Variants in ADGRB2 observed in about 807,000 individuals in gnomAD.
The protein encoded by ADGRB2 is brain-specific angiogenesis inhibitor 2.
ADGRB2 carries 47 observed loss-of-function variants against 178.7 expected under a neutral mutation model. The observed-to-expected ratio is 0.26, with a 90% CI of 0.21 to 0.34. ADGRB2 has a LOEUF of 0.34. Ranked by LOEUF, ADGRB2 falls within the 10% of genes least tolerant of loss-of-function variation. The pLI is 1.00. For missense variants in ADGRB2, 1,584 were observed against 2,180.8 expected (o/e 0.73, Z 5.45); for synonymous variants, 870 against 912.4 (o/e 0.95, Z 0.84).
chr1:31,760,675 T>A (rs1303697410), intron 1 of ADGRB2: 2 of 152,140 alleles, frequency 1.3e-5, no homozygotes, highest in African/African-American at 4.8e-5. Flanking sequence ...CGCCCGCCCG[T>A]CACTCACCCT....
In ADGRB2 at chr1:31,756,584, G is replaced by A. The variant is rs1273238867; in HGVS notation, c.253C>T (p.Arg85Cys). ...TKYSLYLRFNRQEQVCAHFAP... is the reference protein window; with the variant it reads ...TKYSLYLRFNCQEQVCAHFAP... ...AAGTGTGCGCACACCTGCTCCTGGC[G>A]GTTGAAGCGCAGGTAGAGGGAGTAC... Residue 85 changes from arginine (R) to cysteine (C), a missense_variant, in exon 4 of 33, where the codon CGC (arginine) becomes TGC (cysteine). Coordinates refer to ENST00000373658, the MANE Select transcript of ADGRB2 (RefSeq NM_001364857.2). This position sits in a 1 kb window ranked among gnomAD's most constrained non-coding sequence, Gnocchi z 8.5. 3 of 1,610,216 alleles carry A rather than the reference G, an allele frequency of 1.9e-6. No homozygotes were observed. Among genetic ancestry groups the A allele is most frequent in the Non-Finnish European group, 2.5e-6 (3 of 1,177,762 alleles).
chr1:31,757,361 A>T, intron 2 of ADGRB2, 21 bp downstream of exon 2: 1 of 1,091,674 alleles, frequency 9.2e-7, no homozygotes, highest in Non-Finnish European at 1.4e-6. Flanking sequence ...TTATTCCTGG[A>T]ACAATGTCAT....
In ADGRB2 at chr1:31,758,054, C is replaced by A. The variant is rs115391833; in HGVS notation, c.-190-543G>T. On this transcript the variant is annotated intron_variant, in intron 1 of 32. Transcript: ENST00000373658. This position sits in a 1 kb window ranked among gnomAD's most constrained non-coding sequence, Gnocchi z 4.2. ...GCTGTGTCACTGCCCACAGCCTGCGCAACCTCTACCCAACTGCCCAGAAAA... is the reference window on the plus strand; with the variant it reads ...GCTGTGTCACTGCCCACAGCCTGCGAAACCTCTACCCAACTGCCCAGAAAA... Among the ~76,000 whole-genome samples the A allele has an allele frequency of 4.5e-3, 683 of 152,306 alleles. 2 individuals are homozygous for A. Among genetic ancestry groups the A allele is most frequent in the Non-Finnish European group, 7.2e-3 (487 of 68,030 alleles).
chr1:31,735,071 G>T lies in ADGRB2; in HGVS notation c.3452+112C>A. The T allele has an allele frequency of 1.9e-6, 2 of 1,075,608 alleles. No homozygotes were observed. Among genetic ancestry groups the T allele is most frequent in the Non-Finnish European group, 2.5e-6 (2 of 801,986 alleles). 66.6% of individuals were successfully genotyped at this position (1,075,608 alleles called of 1,614,324 possible). A position where few individuals can be genotyped will look rare whatever the true frequency, so the allele number is the denominator to read the frequency against. On this transcript the variant is annotated intron_variant, in intron 25 of 32. Transcript: ENST00000373658. The surrounding 1 kb of genome is among the most constrained non-coding windows in gnomAD (Gnocchi z 6.0). ...TGTGGTGGCTGGCAGGAAAGGGCAA[G>T]CTTTCCAGGGCACTGGGCTGATATC...
At position 31,744,297 on chromosome 1, in the gene ADGRB2, C is replaced by A. The variant is rs1363469972; in HGVS notation, c.983G>T (p.Gly328Val). The change falls in exon 6 of 33, where the codon GGT becomes GTT. Residue 328 changes from glycine to valine, a missense_variant. Coordinates refer to ENST00000373658, the MANE Select transcript of ADGRB2 (RefSeq NM_001364857.2). This position sits in a 1 kb window ranked among gnomAD's most constrained non-coding sequence, Gnocchi z 6.7. Reference sequence around the variant, plus strand: ...ACAGGAGCGGGTCCGCACCTGCAGACCCTGCCCACACGTCAGGGAACACAC... The same window carrying A: ...ACAGGAGCGGGTCCGCACCTGCAGAACCTGCCCACACGTCAGGGAACACAC... ...WSVCSLTCGQ[G>V]LQVRTRSCVS... 6.4e-7 allele frequency: 1 copy of A among 1,551,392 alleles called. No homozygotes were observed. The highest frequency in any genetic ancestry group is 8.7e-7 in the Non-Finnish European group (1 of 1,146,928).
Position 31,753,200 on chromosome 1 carries a change from C to T in ADGRB2, c.838+2799G>A, listed in dbSNP as rs954942453. ...TCCAGCCCTGACCTCAGCCAGCCTC[C>T]GTGCCAGTCCTCCACCAAGCTCCTT... On this transcript the variant is annotated intron_variant, in intron 4 of 32. Transcript: ENST00000373658. This position sits in a 1 kb window ranked among gnomAD's most constrained non-coding sequence, Gnocchi z 4.1. Among the ~76,000 whole-genome samples, 5 of 152,222 alleles carry T rather than the reference C, an allele frequency of 3.3e-5. No individual in the cohort carries two copies. The highest frequency in any genetic ancestry group is 1.2e-4 in the African/African-American group (5 of 41,452).
At chr1:31,752,967 G>T (rs1646653284) in intron 4 of ADGRB2, among the ~76,000 whole-genome samples, 1 of 152,186 alleles carries the variant, frequency 6.6e-6, no homozygotes, top group Non-Finnish European at 1.5e-5. Context: ...GCCAGGGGCA[G>T]GCCAGTGCCC....
In ADGRB2 at chr1:31,756,351, C is replaced by G. The variant is rs1426411755; in HGVS notation, c.486G>C (p.Leu162=). ...HFDKNFVQLC[L]SAEPSEAPRL... ...GCGGGGCCTCGGAGGGCTCAGCCGA[C>G]AGGCACAGCTGCACGAAGTTCTTGT... The change falls in exon 4 of 33, where the codon CTG becomes CTC. Residue 162 remains leucine, a synonymous_variant. Transcript: ENST00000373658. This position sits in a 1 kb window ranked among gnomAD's most constrained non-coding sequence, Gnocchi z 8.5. The G allele has an allele frequency of 1.2e-6, 2 of 1,612,846 alleles. No homozygotes were observed. Among genetic ancestry groups the G allele is most frequent in the African/African-American group, 2.7e-5 (2 of 74,948 alleles).
In ADGRB2 at chr1:31,740,453, C is replaced by T. The variant is rs201601920; in HGVS notation, c.1883G>A (p.Arg628Gln). ...CAGGTCCCCACTATAGTAGGTGCGCCGGGCCAGTAGCTCCTGCAGGCTGCG... is the reference window on the plus strand; with the variant it reads ...CAGGTCCCCACTATAGTAGGTGCGCTGGGCCAGTAGCTCCTGCAGGCTGCG... ...VVRSLQELLA[R>Q]RTYYSGDLLF... The change falls in exon 12 of 33, where the codon CGG becomes CAG. Residue 628 changes from arginine to glutamine, a missense_variant. This residue lies in a region of ADGRB2 where 62 missense variants were observed against 140.3 expected (regional missense o/e 0.44). Coordinates refer to ENST00000373658, the MANE Select transcript of ADGRB2 (RefSeq NM_001364857.2). This position sits in a 1 kb window ranked among gnomAD's most constrained non-coding sequence, Gnocchi z 5.9. 119 of 1,613,634 alleles carry T rather than the reference C, an allele frequency of 7.4e-5. No individual in the cohort carries two copies. The highest frequency in any genetic ancestry group is 9.0e-5 in the Non-Finnish European group (106 of 1,179,944).
intron 4 of ADGRB2, among the ~76,000 whole-genome samples, chr1:31,752,337 A>C (rs1646617298): frequency 6.6e-6 from 1 of 152,158 alleles, no homozygotes; most frequent in African/African-American, 2.4e-5. Context: ...GAGCCCCACC[A>C]GCACAGATCT....
rs1646784812 is a variant in ADGRB2 at position 31,755,441 on chromosome 1, A to C, written c.838+558T>G. ...AGCCCAGCCCTCCAAGGCAGCCTGG[A>C]AGCTCAGGCCTCTTCACCCAGGGAC... On this transcript the variant is annotated intron_variant, in intron 4 of 32. Coordinates refer to ENST00000373658, the MANE Select transcript of ADGRB2 (RefSeq NM_001364857.2). The surrounding 1 kb of genome is among the most constrained non-coding windows in gnomAD (Gnocchi z 5.1). Among the ~76,000 whole-genome samples the C allele has an allele frequency of 6.6e-6, 1 of 152,074 alleles. No individual in the cohort carries two copies. The highest frequency in any genetic ancestry group is 1.5e-5 in the Non-Finnish European group (1 of 67,992).
chr1:31,756,506 G>A lies in ADGRB2; in HGVS notation c.331C>T (p.Arg111Trp), dbSNP rs1311322903. The A allele has an allele frequency of 7.4e-6, 12 of 1,612,678 alleles. No homozygotes were observed. The highest frequency in any genetic ancestry group is 5.3e-5 in the African/African-American group (4 of 74,940). Reference sequence around the variant, plus strand: ...GCCACCGCCTCCTCGGGGCTAGGCCGCAGGCAGGTAAAGTTGACCAGGTAG... The same window carrying A: ...GCCACCGCCTCCTCGGGGCTAGGCCACAGGCAGGTAAAGTTGACCAGGTAG... ...DHYLVNFTCL[R>W]PSPEEAVAQA... Residue 111 changes from arginine (R) to tryptophan (W), a missense_variant, in exon 4 of 33, where the codon CGG becomes TGG. Physicochemically the swap from Arg to Trp is moderately radical, Grantham distance 101. This residue lies in a region of ADGRB2 where 657 missense variants were observed against 847.6 expected (regional missense o/e 0.78). Transcript: ENST00000373658. This position sits in a 1 kb window ranked among gnomAD's most constrained non-coding sequence, Gnocchi z 8.5.
intron 4 of ADGRB2, among the ~76,000 whole-genome samples, chr1:31,752,007 G>T (rs981606847): frequency 1.3e-5 from 2 of 152,182 alleles, no homozygotes; most frequent in African/African-American, 2.4e-5. Flanking sequence ...CGCTTTACAG[G>T]TGATGAAGTG....
At chr1:31,762,184 A>G (rs962536079) in intron 1 of ADGRB2, among the ~76,000 whole-genome samples, 3 of 152,072 alleles carry the variant, frequency 2.0e-5, no homozygotes, top group African/African-American at 7.2e-5. Context: ...TGATACAGAA[A>G]GGGGGCAGAA....
In ADGRB2 at chr1:31,740,370, C is replaced by T. The variant is rs764421098; in HGVS notation, c.1966G>A (p.Val656Met). ...ACCTGCACATCATCAGCCGAGGGCACGTAGGTGGCCCTCTTAAAGGTGTCA... is the reference window on the plus strand; with the variant it reads ...ACCTGCACATCATCAGCCGAGGGCATGTAGGTGGCCCTCTTAAAGGTGTCA... The part of the protein sequence containing the change: ...VTDTFKRATY[V>M]PSADDVQRFF... Residue 656 changes from valine (V) to methionine (M), a missense_variant, in exon 12 of 33, where the codon GTG becomes ATG. By Grantham distance (21) the Val-to-Met change is conservative (BLOSUM62 1). Around this residue, in one of 3 missense-constraint regions of ADGRB2, gnomAD observed 62 missense variants for 140.3 expected, o/e 0.44. Transcript: ENST00000373658. The surrounding 1 kb of genome is among the most constrained non-coding windows in gnomAD (Gnocchi z 5.9). The T allele has an allele frequency of 2.5e-6, 4 of 1,612,978 alleles. No individual in the cohort carries two copies. Among genetic ancestry groups the T allele is most frequent in the African/African-American group, 1.3e-5 (1 of 74,934 alleles).
chr1:31,737,279 C>G (rs1252081486), intron 20 of ADGRB2, 150 bp downstream of exon 20: 1 of 752,642 alleles, frequency 1.3e-6, no homozygotes, highest in Non-Finnish European at 2.3e-6. Flanking sequence ...CATATGGTCT[C>G]ACACACTATT....
Position 31,731,113 on chromosome 1 carries a change from C to G in ADGRB2, c.4067G>C (p.Arg1356Pro). 6.3e-7 allele frequency: 1 copy of G among 1,583,068 alleles called. No homozygotes were observed. Among genetic ancestry groups the G allele is most frequent in the African/African-American group, 1.3e-5 (1 of 74,140 alleles). The change falls in exon 29 of 33, where the codon CGG (arginine) becomes CCG (proline). Residue 1356 changes from arginine (R) to proline (P), a missense_variant. Physicochemically the swap from Arg to Pro is moderately radical, Grantham distance 103. Coordinates refer to ENST00000373658, the MANE Select transcript of ADGRB2 (RefSeq NM_001364857.2). ...GSEGDYMVLP[R>P]RTLSLQPGGG... ...GCCAGGCTGCAGGCTCAAAGTCCGC[C>G]GGGGCAGCACCATGTAGTCTCCCTC...
Position 31,727,587 on chromosome 1 carries a change from C to A in ADGRB2, c.4591G>T (p.Glu1531Ter). 1 of 1,550,248 alleles carries A rather than the reference C, an allele frequency of 6.5e-7. No homozygotes were observed. The highest frequency in any genetic ancestry group is 1.3e-5 in the South Asian group (1 of 79,722). ...CGATGTTGGGACAAGCTGGGGCGCT[C>A]CCCAGGGCTGGGCTTATCCTGTGGA... ...SVCTDKPSPG[E>*]RPSLSQHRRH... Residue 1531 changes from glutamate (E) to a stop codon, truncating the protein, a stop_gained, in exon 33 of 33, where the codon GAG becomes TAG. Coordinates refer to ENST00000373658, the MANE Select transcript of ADGRB2 (RefSeq NM_001364857.2). LOFTEE classifies it high-confidence loss of function. This position sits in a 1 kb window ranked among gnomAD's most constrained non-coding sequence, Gnocchi z 4.4.
intron 4 of ADGRB2, among the ~76,000 whole-genome samples, chr1:31,749,691 C>T (rs1312380260): frequency 2.0e-5 from 3 of 152,200 alleles, no homozygotes; most frequent in South Asian, 2.1e-4. Context: ...GAGGGCGGAT[C>T]GTTTGAGCCC....
Sources: allele counts gnomAD v4.1 joint callset (sites outside exome capture counted in the v4.1 genomes callset), GRCh38; gene constraint gnomAD v4.1.1; regional missense constraint gnomAD v4.1.1; non-coding constraint Gnocchi (gnomAD v3.1); transcripts MANE v1.5; gene names NCBI Gene and HGNC (gene_info 2026-07-23, HGNC 2026-07-21).